Variants in WWC2 observed in about 807,000 individuals in gnomAD.
WWC2 encodes protein WWC2.
A neutral mutation model predicts 138.5 loss-of-function variants in WWC2; 101 were observed. The ratio of observed to expected loss-of-function variants is 0.73; its 90% CI spans 0.62 to 0.86. The LOEUF is 0.86. Among genes scored for constraint, WWC2 ranks in the 40% least tolerant of loss-of-function variants. WWC2 has a pLI of 0.00. For missense variants in WWC2, 1,420 were observed against 1,419.4 expected, an observed-to-expected ratio of 1.00 and a Z score of -0.01; for synonymous variants, 558 against 538.4, an observed-to-expected ratio of 1.04 and a Z score of -0.50.
At chr4:183,181,618 A>G (rs565912302) in intron 1 of WWC2, among the ~76,000 whole-genome samples, 1 of 151,608 alleles carries the variant, frequency 6.6e-6, no homozygotes, top group African/African-American at 2.4e-5. Context: ...AGGATACAGT[A>G]TATAATACAG....
At chr4:183,176,520 T>G (rs980089021) in intron 1 of WWC2, among the ~76,000 whole-genome samples, 6 of 152,086 alleles carry the variant, frequency 3.9e-5, no homozygotes, top group South Asian at 2.1e-4. Context: ...CCTCCCAGGT[T>G]CAAGTGATTC....
At chr4:183,149,670 CTT>C (rs554589228) in intron 1 of WWC2, among the ~76,000 whole-genome samples, 19 of 132,232 alleles carry the variant, frequency 1.4e-4, no homozygotes, top group Non-Finnish European at 1.8e-4. Flanking sequence ...TAGCTTCTCT[CTT>C]TTTTTTTTTT....
intron 4 of WWC2, among the ~76,000 whole-genome samples, chr4:183,214,682 C>T (rs1735702972): frequency 6.6e-6 from 1 of 151,776 alleles, no homozygotes; most frequent in African/African-American, 2.4e-5. Flanking sequence ...ATCCCAGCTA[C>T]TAGGGAGGCT....
At chr4:183,300,121 C>T (rs1738780397) in intron 21 of WWC2, among the ~76,000 whole-genome samples, 1 of 152,138 alleles carries the variant, frequency 6.6e-6, no homozygotes, top group Non-Finnish European at 1.5e-5. Flanking sequence ...GGCTTCTTAA[C>T]ACAACTATGA....
At chr4:183,269,576 A>C (rs1265322659) in intron 15 of WWC2, 1 of 463,328 alleles carries the variant, frequency 2.2e-6, no homozygotes, top group Non-Finnish European at 4.5e-6. Flanking sequence ...ATTATCCACT[A>C]TTTTCAGATA....
chr4:183,280,874 G>A lies in WWC2; in HGVS notation c.2661G>A (p.Glu887=). The A allele has an allele frequency of 6.3e-7, 1 of 1,576,802 alleles. No individual in the cohort carries two copies. Among genetic ancestry groups the A allele is most frequent in the African/African-American group, 1.3e-5 (1 of 74,314 alleles). The change falls in exon 17 of 23, where the codon GAG becomes GAA. Residue 887 remains glutamate (E), a synonymous_variant. Coordinates refer to ENST00000403733, the MANE Select transcript of WWC2 (RefSeq NM_024949.6). ...QEEEEESGQE[E]PRGPDGDWLT... ...AAGAAGAAGAATCAGGACAAGAAGAGCCAAGGGGCCCAGATGGAGACTGGT... is the reference window on the plus strand; with the variant it reads ...AAGAAGAAGAATCAGGACAAGAAGAACCAAGGGGCCCAGATGGAGACTGGT...
chr4:183,290,305 A>C (rs1363413615), intron 21 of WWC2, among the ~76,000 whole-genome samples: 1 of 152,162 alleles, frequency 6.6e-6, no homozygotes, highest in Non-Finnish European at 1.5e-5. Flanking sequence ...TCATGAGGTC[A>C]GGAGTTCAAG....
chr4:183,299,000 T>G (rs542711883), intron 21 of WWC2, among the ~76,000 whole-genome samples: 4 of 152,150 alleles, frequency 2.6e-5, no homozygotes, highest in African/African-American at 9.7e-5. Context: ...AACTATGCTG[T>G]CTTAGTCCAT....
intron 21 of WWC2, among the ~76,000 whole-genome samples, chr4:183,293,149 T>C (rs1738517982): frequency 6.6e-6 from 1 of 152,148 alleles, no homozygotes; most frequent in Non-Finnish European, 1.5e-5. Flanking sequence ...GAGACAGGGT[T>C]TTGCCATGTT....
At chr4:183,149,320 T>C (rs1252554424) in intron 1 of WWC2, among the ~76,000 whole-genome samples, 2 of 152,146 alleles carry the variant, frequency 1.3e-5, no homozygotes, top group Non-Finnish European at 2.9e-5. Flanking sequence ...GGTGGTTGTT[T>C]CTTTTGAAAA....
At chr4:183,235,581 C>T (rs191384476) in intron 4 of WWC2, among the ~76,000 whole-genome samples, 1 of 152,286 alleles carries the variant, frequency 6.6e-6, no homozygotes, top group East Asian at 1.9e-4. Flanking sequence ...TGGAATCATA[C>T]AGTATTTGTC....
intron 21 of WWC2, among the ~76,000 whole-genome samples, chr4:183,305,757 A>C (rs1461992358): frequency 6.6e-6 from 1 of 152,232 alleles, no homozygotes; most frequent in Admixed American, 6.5e-5. Context: ...CTAGCAAGAA[A>C]TGTTAAAAGT....
chr4:183,227,756 A>C (rs998183178), intron 4 of WWC2, among the ~76,000 whole-genome samples: 1 of 152,034 alleles, frequency 6.6e-6, no homozygotes, highest in Non-Finnish European at 1.5e-5. Context: ...TCAGTGTTCT[A>C]TGAGAAAATA....
rs779682212 is a variant in WWC2, at chr4:183,264,980, G to A, written c.1912G>A (p.Val638Met). 5.4e-5 allele frequency: 87 copies of A among 1,611,852 alleles called. No homozygotes were observed. The highest frequency in any genetic ancestry group is 7.3e-5 in the Non-Finnish European group (86 of 1,178,806). Residue 638 changes from valine (V) to methionine (M), a missense_variant and splice_region_variant, in exon 12 of 23, where the codon GTG becomes ATG. Transcript: ENST00000403733. ...REPLYEGTAD[V>M]EKSLPKRRVI... ...TGCTCTCACCCTCCCCTCCATAGAT[G>A]TGGAAAAATCATTACCAAAAAGAAG...
At position 183,280,819 on chromosome 4, in the gene WWC2, T is replaced by C. The variant is rs1738044034; in HGVS notation, c.2606T>C (p.Leu869Ser). ...ALLARTSAELLAVEQELAQEE... is the reference protein window; with the variant it reads ...ALLARTSAELSAVEQELAQEE... ...CTTGCAAGAACATCAGCTGAGTTGT[T>C]AGCTGTGGAACAAGAATTAGCACAA... Residue 869 changes from leucine to serine, a missense_variant, in exon 17 of 23, where the codon TTA (leucine) becomes TCA (serine). By Grantham distance (145) the Leu-to-Ser change is moderately radical (BLOSUM62 -2). Transcript: ENST00000403733. 6 of 1,603,118 alleles carry C rather than the reference T, an allele frequency of 3.7e-6. No homozygotes were observed. Among genetic ancestry groups the C allele is most frequent in the Non-Finnish European group, 5.1e-6 (6 of 1,174,722 alleles).
chr4:183,226,240 G>T (rs923149703), intron 4 of WWC2, among the ~76,000 whole-genome samples: 39 of 151,842 alleles, frequency 2.6e-4, no homozygotes, highest in African/African-American at 9.0e-4. Context: ...GAGACCACAG[G>T]TGGTATACTA....
chr4:183,277,391 T>C (rs1181562478), intron 16 of WWC2, among the ~76,000 whole-genome samples: 7 of 151,410 alleles, frequency 4.6e-5, no homozygotes, highest in Admixed American at 2.0e-4. Context: ...TTTTGGACAT[T>C]TGGGTTGGTT....
chr4:183,230,970 T>C (rs1736227884), intron 4 of WWC2, among the ~76,000 whole-genome samples: 1 of 152,154 alleles, frequency 6.6e-6, no homozygotes, highest in South Asian at 2.1e-4. Flanking sequence ...TCTGAATGGC[T>C]CTATTACCAT....
chr4:183,257,941 T>G (rs997498969), intron 9 of WWC2, among the ~76,000 whole-genome samples: 13 of 152,130 alleles, frequency 8.5e-5, no homozygotes, highest in African/African-American at 3.1e-4. Context: ...CATCTGTGGT[T>G]CAAAGCAGAC....
Sources: gnomAD v4.1 joint callset for allele counts (sites outside exome capture counted in the v4.1 genomes callset) on GRCh38, gnomAD v4.1.1 for gene constraint, MANE v1.5 for transcripts, NCBI Gene and HGNC (gene_info 2026-07-23, HGNC 2026-07-21) for gene names.